CSMD1: variants seen among roughly 807,000 people sequenced by gnomAD.
CSMD1 encodes CUB and Sushi multiple domains 1, also known as CUB and sushi domain-containing protein 1.
In CSMD1, 213 loss-of-function variants were observed where a neutral mutation model predicts 417.5. The observed-to-expected ratio is 0.51, with a 90% confidence interval of 0.46 to 0.57. The LOEUF is 0.57. Among genes scored for constraint, CSMD1 ranks in the 20% least tolerant of loss-of-function variants. The pLI, the probability that CSMD1 is intolerant of heterozygous loss-of-function variation, is 0.00. For synonymous variants in CSMD1, 2,862 were observed against 1,736.8 expected, an observed-to-expected ratio of 1.65 and a Z score of -16.11; for missense variants, 6,923 against 4,529.7, an observed-to-expected ratio of 1.53 and a Z score of -15.17.
intron 3 of CSMD1, among the ~76,000 whole-genome samples, chr8:4,315,173 A>T (rs931308453): frequency 6.6e-6 from 1 of 152,166 alleles, no homozygotes; most frequent in Non-Finnish European, 1.5e-5. Flanking sequence ...GACAGATGAC[A>T]CTTTCTGCCC....
At chr8:3,173,432 T>A (rs985465780) in intron 37 of CSMD1, among the ~76,000 whole-genome samples, 2 of 152,178 alleles carry the variant, frequency 1.3e-5, no homozygotes, top group African/African-American at 4.8e-5. Context: ...TGATTGATAT[T>A]AATGAAAGCA....
At chr8:3,047,540 T>C (rs962668654) in intron 50 of CSMD1, among the ~76,000 whole-genome samples, 5 of 152,180 alleles carry the variant, frequency 3.3e-5, no homozygotes, top group African/African-American at 1.2e-4. Flanking sequence ...GTACCAATAA[T>C]GTCTCTGCCT....
At chr8:3,095,960 C>T (rs1815265260) in intron 47 of CSMD1, among the ~76,000 whole-genome samples, 1 of 152,172 alleles carries the variant, frequency 6.6e-6, no homozygotes, top group Non-Finnish European at 1.5e-5. Context: ...AAGAATCACA[C>T]TTGAAAAACT....
At chr8:3,664,414 C>G (rs866976117) in intron 7 of CSMD1, among the ~76,000 whole-genome samples, 2 of 152,206 alleles carry the variant, frequency 1.3e-5, no homozygotes, top group African/African-American at 4.8e-5. Context: ...TGAATCAGTT[C>G]TCTTCCAAAA....
chr8:3,927,400 C>A (rs1485162914), intron 5 of CSMD1, among the ~76,000 whole-genome samples: 1 of 151,964 alleles, frequency 6.6e-6, no homozygotes, highest in Non-Finnish European at 1.5e-5. Context: ...GACACAGTGG[C>A]TCCTACCTGT....
chr8:3,740,565 G>T (rs530735235), intron 6 of CSMD1, among the ~76,000 whole-genome samples: 1 of 152,158 alleles, frequency 6.6e-6, no homozygotes, highest in Non-Finnish European at 1.5e-5. Flanking sequence ...CACAGGGAAA[G>T]TTATATGGCA....
At chr8:4,646,221 C>A (rs932374707) in intron 1 of CSMD1, among the ~76,000 whole-genome samples, 2 of 152,146 alleles carry the variant, frequency 1.3e-5, no homozygotes, top group African/African-American at 4.8e-5. Context: ...TAGAACTAAT[C>A]TTTTTATTAT....
chr8:3,969,521 T>G (rs1027563384), intron 5 of CSMD1, among the ~76,000 whole-genome samples: 6 of 152,204 alleles, frequency 3.9e-5, no homozygotes, highest in African/African-American at 1.2e-4. Context: ...TTATTTAACT[T>G]GGTGAAATCT....
chr8:3,871,721 T>C (rs937328744), intron 5 of CSMD1, among the ~76,000 whole-genome samples: 1 of 152,190 alleles, frequency 6.6e-6, no homozygotes, highest in Non-Finnish European at 1.5e-5. Context: ...AAAATTGCTT[T>C]TGAAATCCAC....
At chr8:4,055,054 T>A (rs572517546) in intron 3 of CSMD1, among the ~76,000 whole-genome samples, 46 of 152,294 alleles carry the variant, frequency 3.0e-4, no homozygotes, top group African/African-American at 1.1e-3. Context: ...ATATACTATA[T>A]TCAAACAATC....
At chr8:3,345,304 G>T (rs767597880) in intron 22 of CSMD1, among the ~76,000 whole-genome samples, 3 of 152,108 alleles carry the variant, frequency 2.0e-5, no homozygotes, top group African/African-American at 2.4e-5. Flanking sequence ...AAAATGAACA[G>T]CTCAAAAGCT....
At chr8:4,028,629 C>T (rs111394276) in intron 4 of CSMD1, among the ~76,000 whole-genome samples, 1,651 of 152,232 alleles carry the variant, frequency 0.011, 31 homozygotes, top group African/African-American at 0.038. Flanking sequence ...TGCTTACAAT[C>T]CTAGATTAAA....
At chr8:4,833,658 C>T (rs1283640824) in intron 1 of CSMD1, among the ~76,000 whole-genome samples, 1 of 152,154 alleles carries the variant, frequency 6.6e-6, no homozygotes, top group African/African-American at 2.4e-5. Flanking sequence ...GACAACACTA[C>T]GTAGAGTGTT....
At chr8:4,201,021 C>A (rs1799614611) in intron 3 of CSMD1, among the ~76,000 whole-genome samples, 1 of 152,156 alleles carries the variant, frequency 6.6e-6, no homozygotes, top group Non-Finnish European at 1.5e-5. Context: ...TGGAAGGCAT[C>A]ATGAGATACT....
chr8:4,575,730 A>G (rs1799105738), intron 2 of CSMD1, among the ~76,000 whole-genome samples: 2 of 152,230 alleles, frequency 1.3e-5, no homozygotes, highest in Non-Finnish European at 2.9e-5. Flanking sequence ...GACCAAGAGA[A>G]GTATTCTTGA....
chr8:4,084,349 C>G (rs1461047663), intron 3 of CSMD1, among the ~76,000 whole-genome samples: 1 of 150,816 alleles, frequency 6.6e-6, no homozygotes, highest in Non-Finnish European at 1.5e-5. Flanking sequence ...AAAAAACAAA[C>G]TACAACCATA....
intron 5 of CSMD1, among the ~76,000 whole-genome samples, chr8:3,773,139 C>G (rs1798708607): frequency 6.6e-6 from 1 of 152,170 alleles, no homozygotes; most frequent in South Asian, 2.1e-4. Flanking sequence ...GCCAAGTCTC[C>G]ACCTTCTAAT....
At chr8:3,256,593 A>G (rs1197050124) in intron 26 of CSMD1, among the ~76,000 whole-genome samples, 1 of 152,200 alleles carries the variant, frequency 6.6e-6, no homozygotes, top group Non-Finnish European at 1.5e-5. Flanking sequence ...ATGAACCAAC[A>G]ACACTGGCTG....
At chr8:4,861,377 G>A (rs1045300853) in intron 1 of CSMD1, among the ~76,000 whole-genome samples, 21 of 152,066 alleles carry the variant, frequency 1.4e-4, no homozygotes, top group African/African-American at 5.1e-4. Flanking sequence ...TCCTTCTGAA[G>A]GCAGCTTGAC....
Sources: allele counts gnomAD v4.1 joint callset (sites outside exome capture counted in the v4.1 genomes callset), GRCh38; gene constraint gnomAD v4.1.1; transcripts MANE v1.5; gene names NCBI Gene and HGNC (gene_info 2026-07-23, HGNC 2026-07-21).